Variants in DLGAP2 observed in about 807,000 individuals in gnomAD.
DLGAP2 encodes the protein DLG associated protein 2.
DLGAP2 carries 26 observed loss-of-function variants against 100.3 expected under a neutral mutation model. The ratio of observed to expected loss-of-function variants is 0.26; its 90% confidence interval spans 0.19 to 0.36. DLGAP2 has a LOEUF of 0.36. Among genes scored for constraint, DLGAP2 ranks in the 10% least tolerant of loss-of-function variants. The pLI, the probability that DLGAP2 is intolerant of heterozygous loss-of-function variation, is 1.00. For missense variants in DLGAP2, 1,858 were observed against 1,453.2 expected (o/e 1.28, Z -4.53); for synonymous variants, 886 against 630.1 (o/e 1.41, Z -6.08).
At chr8:1,524,512 C>T (rs746843954) in intron 4 of DLGAP2, among the ~76,000 whole-genome samples, 1 of 152,136 alleles carries the variant, frequency 6.6e-6, no homozygotes. Flanking sequence ...GGCTGCAGTT[C>T]AAGACCAAGG....
chr8:1,695,741 G>A (rs970115108), intron 13 of DLGAP2, among the ~76,000 whole-genome samples: 4 of 152,252 alleles, frequency 2.6e-5, no homozygotes, highest in African/African-American at 4.8e-5. Flanking sequence ...TACAGCCTCT[G>A]AGCAGCCTCC....
chr8:1,561,966 G>A (rs148820968), intron 5 of DLGAP2, among the ~76,000 whole-genome samples: 1,158 of 52,042 alleles, frequency 0.022, 223 homozygotes, highest in African/African-American at 0.04. Flanking sequence ...GGGTGTCCGC[G>A]CCTCGTTGCT....
intron 9 of DLGAP2, 115 bp from the exon 10 acceptor site, chr8:1,669,628 C>CA: frequency 6.7e-6 from 5 of 746,808 alleles, no homozygotes; most frequent in Admixed American, 1.8e-5. Flanking sequence ...TGCTGAGAGC[C>CA]GGGCCCGTGC....
At chr8:1,615,145 A>G (rs1797109444) in intron 6 of DLGAP2, among the ~76,000 whole-genome samples, 1 of 152,210 alleles carries the variant, frequency 6.6e-6, no homozygotes. Context: ...CCCAAAGTCT[A>G]TTAACATTTG....
At chr8:1,260,550 A>T (rs1200133998) in intron 3 of DLGAP2, among the ~76,000 whole-genome samples, 2 of 151,970 alleles carry the variant, frequency 1.3e-5, no homozygotes, top group East Asian at 1.9e-4. Context: ...GAGGGTTTGG[A>T]CTGAATGAAG....
intron 1 of DLGAP2, among the ~76,000 whole-genome samples, chr8:785,270 C>T (rs574288722): frequency 7.1e-6 from 1 of 141,164 alleles, no homozygotes; most frequent in African/African-American, 2.6e-5. Flanking sequence ...CCTGACACTT[C>T]AGATGCGCCG....
chr8:1,192,726 G>T (rs1244532328), intron 2 of DLGAP2, among the ~76,000 whole-genome samples: 4 of 151,116 alleles, frequency 2.6e-5, no homozygotes, highest in African/African-American at 9.8e-5. Context: ...CAATGTGCAG[G>T]TTAGTTACAT....
intron 2 of DLGAP2, among the ~76,000 whole-genome samples, chr8:1,210,661 A>G (rs1450706820): frequency 2.0e-5 from 3 of 152,034 alleles, no homozygotes; most frequent in Non-Finnish European, 2.9e-5. Flanking sequence ...CCTTGGGAAT[A>G]TTTTAGAAGT....
rs910036078 is a variant in DLGAP2, at chr8:869,995, C to T, written c.19-37917C>T. ...TTTAGAAACTGGCTGAGAAAGATAC[C>T]GTGCCTAATTTACAAAAAAAAAAAA... On this transcript the variant is annotated intron_variant, in intron 1 of 14. Transcript: ENST00000637795. Among the ~76,000 whole-genome samples the T allele has an allele frequency of 3.3e-5, 5 of 149,552 alleles. No homozygotes were observed. In the East Asian group the frequency reaches 5.8e-4, roughly 17 times the overall value.
At chr8:1,527,836 A>G (rs1000396646) in intron 4 of DLGAP2, among the ~76,000 whole-genome samples, 2 of 152,154 alleles carry the variant, frequency 1.3e-5, no homozygotes, top group African/African-American at 4.8e-5. Context: ...AGCCCAAGGG[A>G]AAGTCCACCC....
rs919396233 is a variant in DLGAP2 at position 1,234,651 on chromosome 8, G to A, written c.74-24200G>A. ...TCAGCTCTAAAATAATCCCGTCTCT[G>A]GAACAGATCGAGAACGAGGCTTAAA... On this transcript the variant is annotated intron_variant, in intron 2 of 14. Transcript: ENST00000637795. Among the ~76,000 whole-genome samples, 3 of 152,140 alleles carry A rather than the reference G, an allele frequency of 2.0e-5. No individual in the cohort carries two copies. The South Asian group carries it at 6.2e-4, about 32-fold the overall frequency.
At chr8:1,592,795 C>G (rs1274862348) in intron 6 of DLGAP2, among the ~76,000 whole-genome samples, 1 of 152,158 alleles carries the variant, frequency 6.6e-6, no homozygotes, top group Non-Finnish European at 1.5e-5. Context: ...TATTATCCCA[C>G]AGTAATTGTC....
Position 1,677,290 on chromosome 8 carries a change from C to A in DLGAP2, c.2288+672C>A, listed in dbSNP as rs145256841. Among the ~76,000 whole-genome samples the A allele has an allele frequency of 3.9e-4, 60 of 152,292 alleles. No individual in the cohort carries two copies. In the East Asian group the frequency reaches 0.011, roughly 28 times the overall value. On this transcript the variant is annotated intron_variant, in intron 11 of 14. Transcript: ENST00000637795. ...AAGAAATTCCGACCCCAGCTTATGG[C>A]TTCCCCAGTTTCCAAGAGACCTCCT...
intron 3 of DLGAP2, among the ~76,000 whole-genome samples, chr8:1,475,048 C>T (rs1162080332): frequency 2.0e-5 from 3 of 152,178 alleles, no homozygotes; most frequent in Non-Finnish European, 4.4e-5. Context: ...TACTACGCAG[C>T]CATCAGGAAG....
chr8:1,364,641 C>T (rs1239720330), intron 3 of DLGAP2, among the ~76,000 whole-genome samples: 1 of 152,238 alleles, frequency 6.6e-6, no homozygotes, highest in African/African-American at 2.4e-5. Context: ...GACACAGATG[C>T]ATTGTGTCAA....
chr8:984,191 A>G (rs1800422352), intron 2 of DLGAP2, among the ~76,000 whole-genome samples: 1 of 152,132 alleles, frequency 6.6e-6, no homozygotes, highest in African/African-American at 2.4e-5. Context: ...AACGTCCTGG[A>G]TTCTAGCCCA....
intron 3 of DLGAP2, among the ~76,000 whole-genome samples, chr8:1,442,279 G>A (rs1038039205): frequency 2.7e-5 from 4 of 147,440 alleles, no homozygotes; most frequent in African/African-American, 9.9e-5. Context: ...CACTGGAGAA[G>A]GAGATGGATC....
chr8:1,004,955 A>G (rs1052701449), intron 2 of DLGAP2, among the ~76,000 whole-genome samples: 1 of 152,168 alleles, frequency 6.6e-6, no homozygotes, highest in African/African-American at 2.4e-5. Flanking sequence ...GGCAGCAGGG[A>G]TGGTCACAGG....
chr8:1,049,935 C>T (rs2701914), intron 2 of DLGAP2, among the ~76,000 whole-genome samples: 45,424 of 152,126 alleles, frequency 0.3, 7,329 homozygotes, highest in Middle Eastern at 0.39. Context: ...TATGTACACA[C>T]GTGGATATAT....
Sources: allele counts gnomAD v4.1 joint callset (sites outside exome capture counted in the v4.1 genomes callset), GRCh38; gene constraint gnomAD v4.1.1; transcripts MANE v1.5; gene names NCBI Gene and HGNC (gene_info 2026-07-23, HGNC 2026-07-21).